Variants in CACHD1 observed in about 807,000 individuals in gnomAD.
CACHD1 encodes cache domain containing 1.
Under a neutral mutation model 138.7 loss-of-function variants are expected in CACHD1, and 71 were observed. The observed-to-expected ratio is 0.51, with a 90% CI of 0.42 to 0.62. The LOEUF is 0.62. Ranked by LOEUF, CACHD1 falls within the 20% of genes least tolerant of loss-of-function variation. The probability of loss-of-function intolerance (pLI) is 0.00; values close to 1 mark genes in which losing one functional copy is unlikely to be tolerated. For missense variants in CACHD1, 1,389 were observed against 1,625.3 expected, an observed-to-expected ratio of 0.85 and a Z score of 2.50; for synonymous variants, 578 against 591.5, an observed-to-expected ratio of 0.98 and a Z score of 0.33.
chr1:64,533,361 C>G (rs1646604402), intron 1 of CACHD1, among the ~76,000 whole-genome samples: 1 of 152,100 alleles, frequency 6.6e-6, no homozygotes, highest in Non-Finnish European at 1.5e-5. Flanking sequence ...GTCTCAAAAA[C>G]AAGAGAGAGA....
intron 3 of CACHD1, among the ~76,000 whole-genome samples, chr1:64,588,725 T>G (rs1478656676): frequency 5.3e-5 from 8 of 152,206 alleles, no homozygotes; most frequent in Non-Finnish European, 1.2e-4. Flanking sequence ...TTTATCTATT[T>G]CTTTCCCCAA....
At chr1:64,591,239 T>C (rs1021792913) in intron 3 of CACHD1, among the ~76,000 whole-genome samples, 3 of 152,118 alleles carry the variant, frequency 2.0e-5, no homozygotes, top group African/African-American at 7.2e-5. Context: ...TGTGGAATGG[T>C]TTATGGAAGA....
chr1:64,570,845 C>T (rs1183710237), intron 2 of CACHD1, among the ~76,000 whole-genome samples: 1 of 151,328 alleles, frequency 6.6e-6, no homozygotes, highest in Admixed American at 6.6e-5. Context: ...CCAACATTTG[C>T]ACCTCACTAA....
At chr1:64,674,424 C>G (rs2100724332) in intron 19 of CACHD1, among the ~76,000 whole-genome samples, 1 of 152,286 alleles carries the variant, frequency 6.6e-6, no homozygotes, top group East Asian at 1.9e-4. Context: ...TTTCTGGAGT[C>G]TTCAGCACAC....
At chr1:64,585,440 A>T (rs10493360) in intron 3 of CACHD1, among the ~76,000 whole-genome samples, 9 of 152,074 alleles carry the variant, frequency 5.9e-5, no homozygotes, top group Non-Finnish European at 1.0e-4. Flanking sequence ...TTGAACATCC[A>T]TGAGACCTTA....
Position 64,678,169 on chromosome 1 carries a change from G to A in CACHD1, c.3103G>A (p.Gly1035Arg), listed in dbSNP as rs1650055275. ...TTGTTTTTCTGGCAGGGACTGTTTT[G>A]GGGTGCTGGATTGTGAATGGTGCAT... ...SQRLESGDCF[G>R]VLDCEWCMVD... Residue 1035 changes from glycine to arginine, a missense_variant, in exon 23 of 27, where the codon GGG (glycine) becomes AGG (arginine). Gly to Arg is a moderately radical substitution (Grantham distance 125). Transcript: ENST00000651257. 1 of 1,611,356 alleles carries A rather than the reference G, an allele frequency of 6.2e-7. No homozygotes were observed. Among genetic ancestry groups the A allele is most frequent in the Non-Finnish European group, 8.5e-7 (1 of 1,178,960 alleles).
At chr1:64,622,885 A>T (rs181369852) in intron 4 of CACHD1, among the ~76,000 whole-genome samples, 1 of 152,326 alleles carries the variant, frequency 6.6e-6, no homozygotes, top group East Asian at 1.9e-4. Flanking sequence ...TAAACTTCAC[A>T]TGTTTAACAT....
intron 13 of CACHD1, among the ~76,000 whole-genome samples, chr1:64,659,453 T>A (rs1276078753): frequency 2.0e-5 from 3 of 152,168 alleles, no homozygotes; most frequent in African/African-American, 7.2e-5. Context: ...TCAGCAGTAA[T>A]CTACCACAGA....
chr1:64,671,717 T>C (rs1649824053), intron 17 of CACHD1, 31 bp downstream of exon 17: 2 of 1,613,244 alleles, frequency 1.2e-6, no homozygotes, highest in Non-Finnish European at 8.5e-7. Flanking sequence ...ATTTCCTTTC[T>C]AGCTGCAGTT....
chr1:64,630,881 A>T (rs1038591504), intron 5 of CACHD1, among the ~76,000 whole-genome samples: 1 of 152,226 alleles, frequency 6.6e-6, no homozygotes. Flanking sequence ...TCTCCACCCT[A>T]AATCTGCACT....
intron 2 of CACHD1, among the ~76,000 whole-genome samples, chr1:64,554,008 T>C (rs1156590109): frequency 6.6e-6 from 1 of 152,118 alleles, no homozygotes; most frequent in East Asian, 1.9e-4. Context: ...TAGCTGACAT[T>C]GTTTGGGCTG....
Position 64,647,786 on chromosome 1 carries a change from G to A in CACHD1, c.1157-15G>A. ...ATTTTGCTTTCCGTGGTCTTCTCTCGGCTTTCCATTTTAGATGGGGTGACT... is the reference window on the plus strand; with the variant it reads ...ATTTTGCTTTCCGTGGTCTTCTCTCAGCTTTCCATTTTAGATGGGGTGACT... On this transcript the variant is annotated splice_polypyrimidine_tract_variant and intron_variant, in intron 8 of 26. Coordinates refer to ENST00000651257, the MANE Select transcript of CACHD1 (RefSeq NM_020925.4). The A allele has an allele frequency of 3.7e-6, 6 of 1,612,450 alleles. No homozygotes were observed. The highest frequency in any genetic ancestry group is 5.1e-6 in the Non-Finnish European group (6 of 1,178,686).
Position 64,689,491 on chromosome 1 carries a change from C to T in CACHD1, c.3587-1832C>T, listed in dbSNP as rs189608741. Among the ~76,000 whole-genome samples, 122 of 152,228 alleles carry T rather than the reference C, an allele frequency of 8.0e-4. 1 individual carries two copies. Among genetic ancestry groups the T allele is most frequent in the East Asian group, 4.4e-3 (23 of 5,172 alleles). ...CTAGTTTAATTCTCTATCCCTCACG[C>T]GGGCTGTTGAAATAACCTCCTAACT... On this transcript the variant is annotated intron_variant, in intron 26 of 26. Coordinates refer to ENST00000651257, the MANE Select transcript of CACHD1 (RefSeq NM_020925.4).
At position 64,548,060 on chromosome 1, in the gene CACHD1, A is replaced by G. The variant is rs548556459; in HGVS notation, c.199-2534A>G. On this transcript the variant is annotated intron_variant, in intron 1 of 26. Transcript: ENST00000651257. ...TACTAAGATAAAAGTATTAGTAATC[A>G]CTCCTGTTAAGATAATAAATGAGTA... Among the ~76,000 whole-genome samples, 163 of 152,372 alleles carry G rather than the reference A, an allele frequency of 1.1e-3. 1 individual carries two copies. Among genetic ancestry groups the G allele is most frequent in the African/African-American group, 3.8e-3 (156 of 41,588 alleles).
At position 64,652,219 on chromosome 1, in the gene CACHD1, A is replaced by G. The variant is rs1292190476; in HGVS notation, c.1449A>G (p.Val483=). The G allele has an allele frequency of 3.1e-6, 5 of 1,613,536 alleles. No individual in the cohort carries two copies. The highest frequency in any genetic ancestry group is 4.2e-6 in the Non-Finnish European group (5 of 1,179,696). Residue 483 remains valine (V), a synonymous_variant, in exon 10 of 27, where the codon GTA becomes GTG. Transcript: ENST00000651257. ...TTGGAAACCTACTTCTGGGAATTGT[A>G]GGTGTGGACGTGAATCTGGCTTACA... is the stretch of plus-strand genomic sequence containing the variant. ...CYFGNLLLGI[V]GVDVNLAYIL...
chr1:64,514,664 CAGT>C (rs1318931701), intron 1 of CACHD1, among the ~76,000 whole-genome samples: 1 of 152,142 alleles, frequency 6.6e-6, no homozygotes, highest in Non-Finnish European at 1.5e-5. Flanking sequence ...TAGTCTCCAG[CAGT>C]AGTTTAGCTT....
chr1:64,605,466 A>G (rs1038880361), intron 4 of CACHD1, among the ~76,000 whole-genome samples: 5 of 152,234 alleles, frequency 3.3e-5, no homozygotes, highest in Admixed American at 2.0e-4. Flanking sequence ...AAAAATAAAA[A>G]AAGAAGGAAT....
chr1:64,542,127 G>A (rs1429381690), intron 1 of CACHD1, among the ~76,000 whole-genome samples: 3 of 152,074 alleles, frequency 2.0e-5, no homozygotes, highest in South Asian at 2.1e-4. Context: ...TCATCTTCTC[G>A]TTTATGAGAT....
intron 26 of CACHD1, among the ~76,000 whole-genome samples, chr1:64,691,098 A>G (rs1241049638): frequency 5.3e-5 from 8 of 151,848 alleles, no homozygotes; most frequent in Non-Finnish European, 1.2e-4. Flanking sequence ...AGCTGTCTGA[A>G]GTGGTTATGT....
Sources: allele counts gnomAD v4.1 joint callset (sites outside exome capture counted in the v4.1 genomes callset), GRCh38; gene constraint gnomAD v4.1.1; transcripts MANE v1.5; gene names NCBI Gene and HGNC (gene_info 2026-07-23, HGNC 2026-07-21).